Variants in ARMC9 observed in about 807,000 individuals in gnomAD.
ARMC9 encodes armadillo repeat containing 9.
Under a neutral mutation model 107.0 loss-of-function variants are expected in ARMC9, and 94 were observed. That is an observed-to-expected ratio of 0.88 (90% CI 0.74 to 1.04). The LOEUF is 1.04. Ranked by LOEUF, ARMC9 falls within the 50% of genes least tolerant of loss-of-function variation. ARMC9 has a pLI of 0.00. For synonymous variants in ARMC9, 380 were observed against 396.9 expected (o/e 0.96, Z 0.51); for missense variants, 942 against 1,030.1 (o/e 0.91, Z 1.17).
At chr2:231,272,259 C>T (rs1262583617) in intron 13 of ARMC9, among the ~76,000 whole-genome samples, 4 of 134,882 alleles carry the variant, frequency 3.0e-5, no homozygotes, top group Admixed American at 8.0e-5. Context: ...GGCATGATCT[C>T]GGCTCACTGT....
chr2:231,230,911 G>A (rs1007317736), intron 7 of ARMC9, among the ~76,000 whole-genome samples: 2 of 152,202 alleles, frequency 1.3e-5, no homozygotes, highest in African/African-American at 4.8e-5. Flanking sequence ...AGTACCCATG[G>A]ATATGGAGTG....
chr2:231,264,561 G>A (rs1228576045), intron 12 of ARMC9, among the ~76,000 whole-genome samples: 3 of 148,218 alleles, frequency 2.0e-5, no homozygotes, highest in South Asian at 2.2e-4. Context: ...GCAGTGGCAC[G>A]ATCTCGGCTC....
rs543304378 is a variant in ARMC9 at position 231,240,479 on chromosome 2, G to A, written c.879+438G>A. ...GTATACCCTTCACCCAGAGTCACCCGCTGCTAGCATTGGCCCCTTCCTTTG... is the reference window on the plus strand; with the variant it reads ...GTATACCCTTCACCCAGAGTCACCCACTGCTAGCATTGGCCCCTTCCTTTG... On this transcript the variant is annotated intron_variant, in intron 9 of 24. Transcript: ENST00000611582. 1.5e-4 allele frequency among the ~76,000 whole-genome samples: 23 copies of A among 152,270 alleles called. No individual in the cohort carries two copies. In the South Asian group the frequency reaches 3.3e-3, roughly 22 times the overall value.
At chr2:231,310,670 C>T (rs562300890) in intron 19 of ARMC9, among the ~76,000 whole-genome samples, 13 of 144,076 alleles carry the variant, frequency 9.0e-5, no homozygotes, top group East Asian at 2.1e-4. Context: ...TAGGGGGGAA[C>T]GGAGGTTGCA....
intron 12 of ARMC9, chr2:231,270,612 A>G (rs1363192070): frequency 2.1e-6 from 1 of 481,520 alleles, no homozygotes; most frequent in Admixed American, 2.3e-5. Context: ...TTAACAGTCC[A>G]TTTATTGTAG....
At chr2:231,346,475 C>A (rs77091107) in intron 21 of ARMC9, among the ~76,000 whole-genome samples, 3,309 of 152,270 alleles carry the variant, frequency 0.022, 89 homozygotes, top group African/African-American at 0.061. Flanking sequence ...GAGCTGAGAT[C>A]TCGCCACTAG....
At chr2:231,292,478 G>C (rs1274170401) in intron 18 of ARMC9, among the ~76,000 whole-genome samples, 1 of 152,222 alleles carries the variant, frequency 6.6e-6, no homozygotes, top group Non-Finnish European at 1.5e-5. Context: ...GCCAACTGCA[G>C]TGTGGAAGGA....
chr2:231,213,596 C>G (rs2033160480), intron 3 of ARMC9, among the ~76,000 whole-genome samples: 1 of 151,964 alleles, frequency 6.6e-6, no homozygotes, highest in Non-Finnish European at 1.5e-5. Context: ...CCTGCCTCAG[C>G]CTCCAGAGTA....
chr2:231,317,782 A>T (rs962611659), intron 19 of ARMC9, among the ~76,000 whole-genome samples: 1 of 152,050 alleles, frequency 6.6e-6, no homozygotes, highest in Non-Finnish European at 1.5e-5. Context: ...GAGCTCATCT[A>T]TTGAATTCTT....
chr2:231,228,850 C>T (rs935031600), intron 7 of ARMC9, among the ~76,000 whole-genome samples: 4 of 152,086 alleles, frequency 2.6e-5, no homozygotes, highest in South Asian at 2.1e-4. Context: ...AAACTTCTCT[C>T]TCTGGTTCCT....
chr2:231,294,265 C>A (rs1022350369), intron 18 of ARMC9: 1 of 152,254 alleles, frequency 6.6e-6, no homozygotes, highest in Admixed American at 6.5e-5. Flanking sequence ...GAGCTGCCAA[C>A]AGCAACAGCA....
chr2:231,253,867 G>T (rs1289685513), intron 9 of ARMC9, among the ~76,000 whole-genome samples: 1 of 152,216 alleles, frequency 6.6e-6, no homozygotes, highest in African/African-American at 2.4e-5. Context: ...GTGTAAAGCA[G>T]CTGGTGTCAG....
intron 13 of ARMC9, among the ~76,000 whole-genome samples, chr2:231,272,640 C>T (rs1186631136): frequency 1.3e-5 from 2 of 151,962 alleles, no homozygotes; most frequent in Admixed American, 6.6e-5. Context: ...CTCAGCCTCC[C>T]GAGTAGCTGG....
chr2:231,324,471 G>T (rs1420518045), intron 19 of ARMC9, among the ~76,000 whole-genome samples: 9 of 148,254 alleles, frequency 6.1e-5, no homozygotes, highest in African/African-American at 2.2e-4. Flanking sequence ...AAAAAAAAAG[G>T]CCAAGCACAG....
At chr2:231,278,540 T>A (rs975841201) in intron 16 of ARMC9, 82 bp downstream of exon 16, 2 of 1,221,554 alleles carry the variant, frequency 1.6e-6, no homozygotes, top group Middle Eastern at 5.3e-4. Context: ...GGCACACAGC[T>A]GGCCCAGGAT....
chr2:231,253,133 T>TTTGTTC (rs2125397966), intron 9 of ARMC9, among the ~76,000 whole-genome samples: 1 of 152,010 alleles, frequency 6.6e-6, no homozygotes, highest in African/African-American at 2.4e-5. Flanking sequence ...TGTTTTTGTT[T>TTTGTTC]TTGTGTTTTG....
chr2:231,274,713 A>G (rs770462645), intron 14 of ARMC9, among the ~76,000 whole-genome samples: 54 of 152,162 alleles, frequency 3.5e-4, no homozygotes, highest in Middle Eastern at 3.4e-3. Context: ...TTCCCATCAA[A>G]TGTGGTTTAC....
chr2:231,289,084 T>C (rs1297602599), intron 17 of ARMC9, among the ~76,000 whole-genome samples: 2 of 152,238 alleles, frequency 1.3e-5, no homozygotes, highest in Non-Finnish European at 2.9e-5. Context: ...AATGACAAGT[T>C]ATTACTTTCA....
intron 5 of ARMC9, among the ~76,000 whole-genome samples, chr2:231,217,957 T>G (rs985396946): frequency 6.6e-6 from 1 of 151,888 alleles, no homozygotes; most frequent in African/African-American, 2.4e-5. Context: ...CCTCCCAAAG[T>G]GCTAGGATTA....
Sources: gnomAD v4.1 joint callset for allele counts (sites outside exome capture counted in the v4.1 genomes callset) on GRCh38, gnomAD v4.1.1 for gene constraint, MANE v1.5 for transcripts, NCBI Gene and HGNC (gene_info 2026-07-23, HGNC 2026-07-21) for gene names.